The following TCEA2 variants were observed in gnomAD, a reference collection of about 807,000 sequenced individuals.
The protein encoded by TCEA2 is transcription elongation factor A2.
In TCEA2, 21 loss-of-function variants were observed where a neutral mutation model predicts 40.8. The observed-to-expected ratio is 0.51, with a 90% CI of 0.36 to 0.74. The LOEUF (loss-of-function observed/expected upper bound fraction) is 0.74, where lower values mean the gene tolerates loss of function less well. Among genes scored for constraint, TCEA2 ranks in the 30% least tolerant of loss-of-function variants. TCEA2 has a pLI of 0.00. For synonymous variants in TCEA2, 165 were observed against 162.7 expected (o/e 1.01, Z -0.11); for missense variants, 326 against 426.5 (o/e 0.76, Z 2.08).
intron 3 of TCEA2, among the ~76,000 whole-genome samples, chr20:64,067,670 T>G (rs2059727985): frequency 6.6e-6 from 1 of 152,242 alleles, no homozygotes; most frequent in Non-Finnish European, 1.5e-5. Context: ...TCCCCAGCCC[T>G]TGGGCCTGGC....
chr20:64,071,342 C>T (rs1204556038), intron 8 of TCEA2, among the ~76,000 whole-genome samples: 8 of 150,646 alleles, frequency 5.3e-5, no homozygotes, highest in Non-Finnish European at 8.9e-5. Flanking sequence ...AGCGAGACTC[C>T]GTCTTTAAAA....
Position 64,066,547 on chromosome 20 carries a change from C to T in TCEA2, c.135+9C>T, listed in dbSNP as rs777925973. On this transcript the variant is annotated intron_variant, in intron 2 of 9. Coordinates refer to ENST00000343484, the MANE Select transcript of TCEA2 (RefSeq NM_003195.6). The stretch of plus-strand genomic sequence containing the variant: ...CGCTGCACCTGCTCCAGGTAGGTCC[C>T]TGCCTGCCCCAGGTCCAGGACAGCT... The T allele has an allele frequency of 3.1e-6, 5 of 1,613,026 alleles. No homozygotes were observed. The highest frequency in any genetic ancestry group is 1.1e-5 in the South Asian group (1 of 91,060).
intron 8 of TCEA2, 53 bp downstream of exon 8, chr20:64,070,688 GTGCCCCTCCTTGGAGCCCA>G: frequency 6.8e-7 from 1 of 1,470,664 alleles, no homozygotes; most frequent in Non-Finnish European, 9.0e-7. Flanking sequence ...AGGGCATCTG[GTGCCCCTCCTTGGAGCCCA>G]TGCCTATTCC....
chr20:64,065,018 G>A (rs562988857), intron 1 of TCEA2, among the ~76,000 whole-genome samples: 1 of 152,104 alleles, frequency 6.6e-6, no homozygotes, highest in Non-Finnish European at 1.5e-5. Flanking sequence ...TTGAGTAGAA[G>A]CCCCAGGGGA....
upstream of TCEA2, among the ~76,000 whole-genome samples, chr20:64,060,859 G>A (rs1230175441): frequency 1.3e-5 from 2 of 151,474 alleles, no homozygotes; most frequent in South Asian, 2.1e-4. Flanking sequence ...GCATGATCTC[G>A]GCTCACTGCC....
chr20:64,067,345 TCA>T (rs1320468811), intron 3 of TCEA2, among the ~76,000 whole-genome samples: 1 of 151,298 alleles, frequency 6.6e-6, no homozygotes, highest in East Asian at 1.9e-4. Context: ...AGTTGGGAGG[TCA>T]CACAGAGGGG....
chr20:64,067,142 G>A (rs1177789504), intron 3 of TCEA2, 122 bp downstream of exon 3: 9 of 1,003,442 alleles, frequency 9.0e-6, no homozygotes, highest in Non-Finnish European at 1.1e-5. Context: ...CTTGGGAGTG[G>A]GGCAGTGGCA....
rs770197620 is a variant in TCEA2, at chr20:64,068,032, C to T, written c.242-15C>T. 8 of 1,598,902 alleles carry T rather than the reference C, an allele frequency of 5.0e-6. No individual in the cohort carries two copies. Among genetic ancestry groups the T allele is most frequent in the South Asian group, 3.4e-5 (3 of 88,198 alleles). On this transcript the variant is annotated splice_polypyrimidine_tract_variant and intron_variant, in intron 3 of 9. Coordinates refer to ENST00000343484, the MANE Select transcript of TCEA2 (RefSeq NM_003195.6). ...TGCCTCCCCTTGATCAGCCCATCCC[C>T]GATCTTTCCTGCAGATGCTTCCGAT...
At chr20:64,068,840 G>A (rs1334126106) in intron 4 of TCEA2, among the ~76,000 whole-genome samples, 1 of 152,252 alleles carries the variant, frequency 6.6e-6, no homozygotes, top group Admixed American at 6.5e-5. Flanking sequence ...CAGCCCTGAG[G>A]GGCATCCTTC....
intron 8 of TCEA2, 59 bp downstream of exon 8, chr20:64,070,694 C>G (rs1043340311): frequency 6.8e-7 from 1 of 1,462,746 alleles, no homozygotes; most frequent in African/African-American, 1.4e-5. Context: ...TCTGGTGCCC[C>G]TCCTTGGAGC....
upstream of TCEA2, among the ~76,000 whole-genome samples, chr20:64,061,829 A>G (rs2059571606): frequency 6.6e-6 from 1 of 152,034 alleles, no homozygotes; most frequent in Non-Finnish European, 1.5e-5. Context: ...TCCGGGTTCC[A>G]GCAATTCTCC....
chr20:64,063,558 C>T, intron 1 of TCEA2, 174 bp downstream of exon 1: 1 of 727,052 alleles, frequency 1.4e-6, no homozygotes, highest in Non-Finnish European at 2.2e-6. Context: ...GACCCCTGCC[C>T]CGGGCCAGCC....
chr20:64,070,420 C>G lies in TCEA2; in HGVS notation c.672+6C>G, dbSNP rs770113398. 6.2e-7 allele frequency: 1 copy of G among 1,613,956 alleles called. No homozygotes were observed. Among genetic ancestry groups the G allele is most frequent in the Non-Finnish European group, 8.5e-7 (1 of 1,180,024 alleles). ...TCGCTGTGATGACCTCAGAGGTGAG[C>G]CCCTGTTGGAGGGGCTGGAGGGCTG... is the stretch of plus-strand genomic sequence containing the variant. On this transcript the variant is annotated splice_donor_region_variant and intron_variant, in intron 7 of 9. Coordinates refer to ENST00000343484, the MANE Select transcript of TCEA2 (RefSeq NM_003195.6).
At chr20:64,055,792 G>A (rs924277691), upstream of TCEA2, among the ~76,000 whole-genome samples, 8 of 152,110 alleles carry the variant, frequency 5.3e-5, no homozygotes, top group African/African-American at 1.7e-4. The surrounding 1 kb of genome is among the most constrained non-coding windows in gnomAD (Gnocchi z 4.0). Flanking sequence ...TGCTTCTGCC[G>A]CGGCGGGAGC....
intron 4 of TCEA2, among the ~76,000 whole-genome samples, chr20:64,068,574 G>A (rs1212842492): frequency 2.6e-5 from 4 of 152,272 alleles, no homozygotes; most frequent in Non-Finnish European, 4.4e-5. Context: ...TGTGGTCACT[G>A]CTGCCAGGGG....
At chr20:64,068,772 G>C (rs367628200) in intron 4 of TCEA2, among the ~76,000 whole-genome samples, 35 of 152,276 alleles carry the variant, frequency 2.3e-4, no homozygotes, top group Admixed American at 1.3e-4. Context: ...CCACAGAGGG[G>C]ATGAGGGGAG....
chr20:64,069,162 G>C (rs1168312470), intron 4 of TCEA2, among the ~76,000 whole-genome samples, 199 bp from the exon 5 acceptor site: 1 of 152,226 alleles, frequency 6.6e-6, no homozygotes, highest in Non-Finnish European at 1.5e-5. Context: ...CTCCCTCCTG[G>C]CTGCTGGGCA....
chr20:64,066,623 C>G (rs2059700648), intron 2 of TCEA2, 85 bp downstream of exon 2: 1 of 1,439,564 alleles, frequency 6.9e-7, no homozygotes, highest in Non-Finnish European at 9.7e-7. Flanking sequence ...GGCAGGGCTT[C>G]CCCACCCTCC....
chr20:64,063,494 C>T, intron 1 of TCEA2, 110 bp downstream of exon 1: 2 of 1,262,892 alleles, frequency 1.6e-6, no homozygotes, highest in East Asian at 2.7e-5. Context: ...AGGACGAGAC[C>T]CCTCCCCGGC....
Sources: gnomAD v4.1 joint callset for allele counts (sites outside exome capture counted in the v4.1 genomes callset) on GRCh38, gnomAD v4.1.1 for gene constraint, Gnocchi (gnomAD v3.1) non-coding constraint, MANE v1.5 for transcripts, NCBI Gene and HGNC (gene_info 2026-07-23, HGNC 2026-07-21) for gene names.